The following ZNF385D variants were observed in gnomAD, a reference collection of about 807,000 sequenced individuals.
ZNF385D encodes the protein zinc finger protein 659.
A neutral mutation model predicts 35.8 loss-of-function variants in ZNF385D; 15 were observed. The observed-to-expected ratio is 0.42, with a 90% CI of 0.28 to 0.64. The LOEUF is 0.64. Ranked by LOEUF, ZNF385D falls within the 30% of genes least tolerant of loss-of-function variation. The pLI is 0.23. For missense variants in ZNF385D, 474 were observed against 494.6 expected (o/e 0.96, Z 0.39); for synonymous variants, 212 against 186.8 (o/e 1.13, Z -1.10).
intron 3 of ZNF385D, among the ~76,000 whole-genome samples, chr3:21,810,312 G>A (rs1343567423): frequency 4.2e-5 from 6 of 144,014 alleles, no homozygotes; most frequent in East Asian, 2.2e-4. Flanking sequence ...TACCATTCAC[G>A]ATAAAAAGAA....
intron 3 of ZNF385D, among the ~76,000 whole-genome samples, chr3:21,909,675 G>A (rs1575890763): frequency 6.6e-6 from 1 of 151,964 alleles, no homozygotes. Flanking sequence ...GCATAGGCTT[G>A]GTAGACATTA....
intron 3 of ZNF385D, among the ~76,000 whole-genome samples, chr3:22,138,610 C>A (rs925975477): frequency 6.6e-6 from 1 of 151,342 alleles, no homozygotes; most frequent in Admixed American, 6.6e-5. Context: ...AACTGGCTAG[C>A]TATATGTAGA....
At chr3:21,638,572 A>T (rs2065514065) in intron 2 of ZNF385D, among the ~76,000 whole-genome samples, 1 of 152,062 alleles carries the variant, frequency 6.6e-6, no homozygotes, top group Non-Finnish European at 1.5e-5. Flanking sequence ...CTGATATGAC[A>T]TCTGTCATAA....
chr3:22,292,537 G>C (rs1242828144), intron 2 of ZNF385D, among the ~76,000 whole-genome samples: 2 of 152,132 alleles, frequency 1.3e-5, no homozygotes, highest in African/African-American at 2.4e-5. Context: ...AGATTTTGTA[G>C]ACCTCTATTT....
At chr3:22,244,364 T>TAAAAAAAAAAAAAAAAAAAAAAAAAAAAG (rs34497539) in intron 2 of ZNF385D, among the ~76,000 whole-genome samples, 3 of 62,558 alleles carry the variant, frequency 4.8e-5, no homozygotes, top group Non-Finnish European at 9.4e-5. Context: ...CAACCGAATG[T>TAAAAAAAAAAAAAAAAAAAAAAAAAAAAG]AAAAAAAAAA....
chr3:22,066,082 T>C (rs1699933922), intron 3 of ZNF385D, among the ~76,000 whole-genome samples: 1 of 152,058 alleles, frequency 6.6e-6, no homozygotes, highest in Non-Finnish European at 1.5e-5. Flanking sequence ...ATGTTGTCAA[T>C]GAGCAGGGAA....
chr3:22,298,104 T>A (rs1446076768), intron 2 of ZNF385D, among the ~76,000 whole-genome samples: 2 of 152,014 alleles, frequency 1.3e-5, no homozygotes, highest in Non-Finnish European at 2.9e-5. Flanking sequence ...AACAGGCATA[T>A]AATCTTCGTG....
chr3:21,665,658 T>C (rs1277844752), intron 1 of ZNF385D, among the ~76,000 whole-genome samples: 1 of 152,104 alleles, frequency 6.6e-6, no homozygotes, highest in Non-Finnish European at 1.5e-5. Context: ...TCCCTCCCAG[T>C]CATGAGTAGG....
At chr3:21,721,312 T>C (rs559465788) in intron 1 of ZNF385D, among the ~76,000 whole-genome samples, 17 of 151,952 alleles carry the variant, frequency 1.1e-4, no homozygotes, top group African/African-American at 3.9e-4. Flanking sequence ...GATAAGAATA[T>C]TGATGGACAT....
chr3:21,573,787 C>T lies in ZNF385D; in HGVS notation c.166-9103G>A, dbSNP rs115873662. ...TCTTAAAGAAATAATGGGCTGGGCA[C>T]GGTGGCTCACCCATGTAATCCCAGC... On this transcript the variant is annotated intron_variant, in intron 2 of 7. Coordinates refer to ENST00000281523, the MANE Select transcript of ZNF385D (RefSeq NM_024697.3). Among the ~76,000 whole-genome samples, 1,277 of 151,762 alleles carry T rather than the reference C, an allele frequency of 8.4e-3. 10 individuals are homozygous for T. The highest frequency in any genetic ancestry group is 0.029 in the African/African-American group (1,200 of 41,146).
intron 2 of ZNF385D, among the ~76,000 whole-genome samples, chr3:22,341,582 A>G (rs947517727): frequency 1.1e-4 from 16 of 152,182 alleles, no homozygotes; most frequent in Non-Finnish European, 1.8e-4. Context: ...ATTATCCACT[A>G]TCTGAATGGC....
At chr3:21,585,027 C>T (rs2063770886) in intron 2 of ZNF385D, among the ~76,000 whole-genome samples, 1 of 150,244 alleles carries the variant, frequency 6.7e-6, no homozygotes, top group East Asian at 2.0e-4. Flanking sequence ...AATCTTTGTG[C>T]CAGTTTGAAA....
chr3:22,356,785 G>A (rs1050992619), intron 2 of ZNF385D, among the ~76,000 whole-genome samples: 6 of 150,256 alleles, frequency 4.0e-5, no homozygotes, highest in Admixed American at 1.3e-4. Flanking sequence ...AGATGATAGA[G>A]TGATAGAAAG....
chr3:21,678,304 A>G (rs1424240473), intron 1 of ZNF385D, among the ~76,000 whole-genome samples: 3 of 152,104 alleles, frequency 2.0e-5, no homozygotes, highest in Non-Finnish European at 4.4e-5. Context: ...TTTGTAACTC[A>G]GTAAATGGGA....
At chr3:22,059,675 GA>G (rs1421951432) in intron 3 of ZNF385D, among the ~76,000 whole-genome samples, 1 of 152,118 alleles carries the variant, frequency 6.6e-6, no homozygotes, top group Non-Finnish European at 1.5e-5. Context: ...ACATTACTTT[GA>G]AGACCCCATA....
intron 3 of ZNF385D, among the ~76,000 whole-genome samples, chr3:21,996,978 T>C (rs933919194): frequency 6.6e-6 from 1 of 152,226 alleles, no homozygotes; most frequent in Non-Finnish European, 1.5e-5. Flanking sequence ...AAATCTATTT[T>C]AGTTTTTTGA....
At chr3:22,187,997 C>T (rs1004052332) in intron 2 of ZNF385D, among the ~76,000 whole-genome samples, 1 of 152,114 alleles carries the variant, frequency 6.6e-6, no homozygotes, top group Non-Finnish European at 1.5e-5. Flanking sequence ...GTCTAGAAAT[C>T]GTGCACCCTG....
Position 21,510,952 on chromosome 3 carries a change from A to G in ZNF385D, c.348T>C (p.Asn116=). ...CCTTGGCAGTTACAGATTTCTGCTT[A>G]TTTTTCATGGCTTCCAGTGCTTTGA... ...KKLKALEAMK[N]KQKSVTAKDS... Residue 116 remains asparagine, a synonymous_variant, in exon 4 of 8, where the codon AAT becomes AAC. Transcript: ENST00000281523. 1.2e-6 allele frequency: 2 copies of G among 1,614,040 alleles called. No individual in the cohort carries two copies. The highest frequency in any genetic ancestry group is 8.5e-7 in the Non-Finnish European group (1 of 1,179,994).
intron 1 of ZNF385D, among the ~76,000 whole-genome samples, chr3:21,737,058 G>C (rs1309865332): frequency 1.3e-5 from 2 of 152,104 alleles, no homozygotes; most frequent in Admixed American, 1.3e-4. Context: ...TTCTGCCTCA[G>C]CCTCCCGAGT....
Sources: gnomAD v4.1 joint callset for allele counts (sites outside exome capture counted in the v4.1 genomes callset) on GRCh38, gnomAD v4.1.1 for gene constraint, MANE v1.5 for transcripts, NCBI Gene and HGNC (gene_info 2026-07-23, HGNC 2026-07-21) for gene names.